The following KLF7 variants were observed in gnomAD, a reference collection of about 807,000 sequenced individuals.
The protein encoded by KLF7 is KLF transcription factor 7, also known as Krueppel-like factor 7.
Under a neutral mutation model 27.3 loss-of-function variants are expected in KLF7, and 2 were observed. That is an observed-to-expected ratio of 0.07 (90% CI 0.03 to 0.23). The LOEUF (loss-of-function observed/expected upper bound fraction) is 0.23. KLF7 is among the 10% of genes least tolerant of loss of function. The probability of loss-of-function intolerance (pLI) is 1.00; values close to 1 mark genes in which losing one functional copy is unlikely to be tolerated. For missense variants in KLF7, 221 were observed against 394.1 expected, an observed-to-expected ratio of 0.56 and a Z score of 3.72; for synonymous variants, 165 against 162.4, an observed-to-expected ratio of 1.02 and a Z score of -0.12.
intron 1 of KLF7, among the ~76,000 whole-genome samples, chr2:207,164,609 CA>C (rs2078646116): frequency 1.3e-5 from 2 of 152,164 alleles, no homozygotes; most frequent in Non-Finnish European, 2.9e-5. Flanking sequence ...TCACCAGCCC[CA>C]CTTCATCCTC....
At chr2:207,155,422 C>T (rs911941184) in intron 1 of KLF7, among the ~76,000 whole-genome samples, 2 of 152,200 alleles carry the variant, frequency 1.3e-5, no homozygotes, top group Non-Finnish European at 2.9e-5. Flanking sequence ...CATTTTCTCA[C>T]CCCTGAATGG....
chr2:207,111,914 T>G (rs746313480), intron 2 of KLF7, among the ~76,000 whole-genome samples: 2 of 152,042 alleles, frequency 1.3e-5, no homozygotes, highest in Non-Finnish European at 2.9e-5. Flanking sequence ...AATCAACCGG[T>G]GAAGAGGGCT....
chr2:207,100,334 TTA>T (rs1454923490), intron 2 of KLF7, among the ~76,000 whole-genome samples: 1 of 152,212 alleles, frequency 6.6e-6, no homozygotes, highest in Non-Finnish European at 1.5e-5. Context: ...AAACATTTTT[TTA>T]GAGACTAAAT....
At chr2:207,155,823 CA>C (rs2078367206) in intron 1 of KLF7, among the ~76,000 whole-genome samples, 1 of 152,142 alleles carries the variant, frequency 6.6e-6, no homozygotes, top group African/African-American at 2.4e-5. Flanking sequence ...CCCATATGAA[CA>C]AAGGCTAAAA....
chr2:207,083,642 C>T (rs1286043695), intron 3 of KLF7, among the ~76,000 whole-genome samples: 2 of 152,184 alleles, frequency 1.3e-5, no homozygotes, highest in Admixed American at 1.3e-4. Context: ...AAAATGTCTA[C>T]ACTTCATGCC....
At chr2:207,122,723 A>G (rs1435189850) in intron 2 of KLF7, among the ~76,000 whole-genome samples, 1 of 152,082 alleles carries the variant, frequency 6.6e-6, no homozygotes, top group Non-Finnish European at 1.5e-5. Flanking sequence ...AGCACCAAAC[A>G]CTTTTCCTAG....
intron 1 of KLF7, among the ~76,000 whole-genome samples, chr2:207,149,851 C>T (rs1409821629): frequency 2.0e-5 from 3 of 152,224 alleles, no homozygotes; most frequent in African/African-American, 7.2e-5. Context: ...CAACATACTG[C>T]TCTGTCATTC....
intron 2 of KLF7, among the ~76,000 whole-genome samples, chr2:207,107,010 T>C (rs866078478): frequency 2.0e-5 from 3 of 152,252 alleles, no homozygotes; most frequent in Middle Eastern, 6.8e-3. Context: ...TTCTCATGCC[T>C]AAGATGGGAA....
chr2:207,088,919 C>T (rs1376238753), intron 2 of KLF7, among the ~76,000 whole-genome samples: 2 of 152,130 alleles, frequency 1.3e-5, no homozygotes, highest in African/African-American at 2.4e-5. Context: ...CACTTTCACC[C>T]CCACAGTCCA....
chr2:207,124,342 A>T lies in KLF7; in HGVS notation c.165T>A (p.Gly55=). The T allele has an allele frequency of 1.2e-6, 2 of 1,601,994 alleles. No homozygotes were observed. Among genetic ancestry groups the T allele is most frequent in the Non-Finnish European group, 1.7e-6 (2 of 1,170,572 alleles). ...TEPRRISETF[G]EDLDCFLHAS... The stretch of plus-strand genomic sequence containing the variant: ...CGTGGAGGAAACAGTCCAAGTCCTC[A>T]CCAAAGGTCTCTGAGATCCTCCGGG... The change falls in exon 2 of 4, where the codon GGT becomes GGA. Residue 55 remains glycine, a synonymous_variant. Coordinates refer to ENST00000309446, the MANE Select transcript of KLF7 (RefSeq NM_003709.4).
chr2:207,151,501 C>T (rs1299419937), intron 1 of KLF7, among the ~76,000 whole-genome samples: 2 of 152,044 alleles, frequency 1.3e-5, no homozygotes, highest in Non-Finnish European at 2.9e-5. Context: ...CTCCTGGGTG[C>T]AAAAGCTGGA....
intron 1 of KLF7, among the ~76,000 whole-genome samples, chr2:207,131,451 T>C (rs1184952729): frequency 6.6e-6 from 1 of 152,230 alleles, no homozygotes. Flanking sequence ...TTTGAAATCT[T>C]CAAACATCCC....
In KLF7 at chr2:207,081,179, G is replaced by C; in HGVS notation, c.*34C>G. The C allele has an allele frequency of 6.2e-7, 1 of 1,602,908 alleles. No homozygotes were observed. Among genetic ancestry groups the C allele is most frequent in the Non-Finnish European group, 8.5e-7 (1 of 1,169,768 alleles). The stretch of plus-strand genomic sequence containing the variant: ...CTCATGGCGTTTCCTTTAGACACTA[G>C]CCGATGCCATGGCAACTCTGGCCTT... On this transcript the variant is annotated 3_prime_UTR_variant, in exon 4 of 4. Transcript: ENST00000309446.
intron 3 of KLF7, among the ~76,000 whole-genome samples, chr2:207,082,403 G>GA (rs1353504494): frequency 2.0e-5 from 3 of 152,182 alleles, no homozygotes; most frequent in Non-Finnish European, 2.9e-5. Context: ...CTGGGGGATA[G>GA]AAAGAGTCCA....
chr2:207,117,162 A>G (rs1323844908), intron 2 of KLF7, among the ~76,000 whole-genome samples: 2 of 152,222 alleles, frequency 1.3e-5, no homozygotes, highest in Non-Finnish European at 2.9e-5. Context: ...TATATTTATT[A>G]TCATAGTATA....
rs1214936039 is a variant in KLF7, at chr2:207,124,176, T to C, written c.331A>G (p.Ser111Gly). The C allele has an allele frequency of 1.2e-6, 2 of 1,614,168 alleles. No homozygotes were observed. Among genetic ancestry groups the C allele is most frequent in the East Asian group, 4.5e-5 (2 of 44,874 alleles). ...RDKLLSETCL[S>G]LQPASSSLDS... ...AGAGAAGAGCTGGCCGGCTGGAGGC[T>C]GAGGCAGGTCTCAGATAGCAACTTG... is the stretch of plus-strand genomic sequence containing the variant. The change falls in exon 2 of 4, where the codon AGC (serine) becomes GGC (glycine). Residue 111 changes from serine to glycine, a missense_variant. By Grantham distance (56) the Ser-to-Gly change is moderately conservative (BLOSUM62 0). Coordinates refer to ENST00000309446, the MANE Select transcript of KLF7 (RefSeq NM_003709.4).
In KLF7 at chr2:207,077,365, A is replaced by G. The variant is rs2076193231; in HGVS notation, c.*3848T>C. ...CTTATAAAATCTTCTCTGAAGCCAG[A>G]GAAGATTTTTTAAAACTAGGATTCA... On this transcript the variant is annotated 3_prime_UTR_variant, in exon 4 of 4. Coordinates refer to ENST00000309446, the MANE Select transcript of KLF7 (RefSeq NM_003709.4). 1 of 152,188 alleles carries G rather than the reference A, an allele frequency of 6.6e-6. No homozygotes were observed. Among genetic ancestry groups the G allele is most frequent in the Non-Finnish European group, 1.5e-5 (1 of 68,032 alleles). The allele number at this position is 152,188 out of a possible 1,614,324, so 9.4% of individuals were successfully genotyped here. A position where few individuals can be genotyped will look rare whatever the true frequency, so the allele number is the denominator to read the frequency against.
chr2:207,080,594 C>T lies in KLF7; in HGVS notation c.*619G>A, dbSNP rs1312259091. Reference sequence around the variant, plus strand: ...TCTCAATAGTACTAAGAACCAAAACCAGTCAACAGTTCTGTGAGGAAGTCT... The same window carrying T: ...TCTCAATAGTACTAAGAACCAAAACTAGTCAACAGTTCTGTGAGGAAGTCT... On this transcript the variant is annotated 3_prime_UTR_variant, in exon 4 of 4. Coordinates refer to ENST00000309446, the MANE Select transcript of KLF7 (RefSeq NM_003709.4). 3 of 371,278 alleles carry T rather than the reference C, an allele frequency of 8.1e-6. No homozygotes were observed. The highest frequency in any genetic ancestry group is 1.4e-5 in the Non-Finnish European group (3 of 209,366). 23.0% of individuals were successfully genotyped at this position (371,278 alleles called of 1,614,324 possible).
chr2:207,133,784 C>T (rs150921480), intron 1 of KLF7, among the ~76,000 whole-genome samples: 3 of 152,232 alleles, frequency 2.0e-5, no homozygotes, highest in Non-Finnish European at 4.4e-5. Flanking sequence ...TCACATTACT[C>T]GCCTCTTCTT....
Sources: allele counts gnomAD v4.1 joint callset (sites outside exome capture counted in the v4.1 genomes callset), GRCh38; gene constraint gnomAD v4.1.1; transcripts MANE v1.5; gene names NCBI Gene and HGNC (gene_info 2026-07-23, HGNC 2026-07-21).